SOCS5: variants seen among roughly 807,000 people sequenced by gnomAD.
SOCS5 encodes the protein CIS-6.
SOCS5 carries 32 observed loss-of-function variants against 42.8 expected under a neutral mutation model. That is an observed-to-expected ratio of 0.75 (90% CI 0.56 to 1.01). The LOEUF (loss-of-function observed/expected upper bound fraction) is 1.01. Ranked by LOEUF, SOCS5 falls within the 50% of genes least tolerant of loss-of-function variation. The probability of loss-of-function intolerance (pLI) is 0.00; values close to 1 mark genes in which losing one functional copy is unlikely to be tolerated. For synonymous variants in SOCS5, 283 were observed against 229.6 expected, an observed-to-expected ratio of 1.23 and a Z score of -2.10; for missense variants, 627 against 653.0, an observed-to-expected ratio of 0.96 and a Z score of 0.43.
chr2:46,727,284 G>T (rs1248951321), intron 1 of SOCS5, among the ~76,000 whole-genome samples: 5 of 151,888 alleles, frequency 3.3e-5, no homozygotes, highest in Admixed American at 3.3e-4. Flanking sequence ...GAGTAGCGGA[G>T]CATTTTTATA....
At chr2:46,757,179 C>G (rs1673749689) in intron 1 of SOCS5, among the ~76,000 whole-genome samples, 3 of 152,182 alleles carry the variant, frequency 2.0e-5, no homozygotes, top group African/African-American at 7.2e-5. Context: ...AGTTTATTCT[C>G]TGTTATTCTC....
At chr2:46,700,628 T>A (rs1672319207) in intron 1 of SOCS5, among the ~76,000 whole-genome samples, 1 of 152,240 alleles carries the variant, frequency 6.6e-6, no homozygotes, top group African/African-American at 2.4e-5. Context: ...AGCTAGCAGC[T>A]CTATTAAGCA....
At chr2:46,723,000 G>A (rs1257468030) in intron 1 of SOCS5, among the ~76,000 whole-genome samples, 1 of 151,940 alleles carries the variant, frequency 6.6e-6, no homozygotes, top group Non-Finnish European at 1.5e-5. Context: ...TTTAATGGCT[G>A]TTATATGCTT....
intron 1 of SOCS5, among the ~76,000 whole-genome samples, chr2:46,715,371 CAAAAAAA>C (rs70940637): frequency 9.2e-6 from 1 of 108,870 alleles, no homozygotes; most frequent in Non-Finnish European, 1.8e-5. Flanking sequence ...AACACCCTGT[CAAAAAAA>C]AAAAAAAGAA....
At chr2:46,738,015 G>T (rs1325284632) in intron 1 of SOCS5, among the ~76,000 whole-genome samples, 2 of 152,156 alleles carry the variant, frequency 1.3e-5, no homozygotes, top group Admixed American at 1.3e-4. Flanking sequence ...ACAAATTGTG[G>T]TGTTAACTAT....
chr2:46,719,994 T>A (rs1210709698), intron 1 of SOCS5, among the ~76,000 whole-genome samples: 1 of 152,182 alleles, frequency 6.6e-6, no homozygotes, highest in Non-Finnish European at 1.5e-5. Context: ...CAAGCTATGA[T>A]AGTCTGATGG....
At chr2:46,716,073 A>G (rs1558401702) in intron 1 of SOCS5, among the ~76,000 whole-genome samples, 1 of 145,396 alleles carries the variant, frequency 6.9e-6, no homozygotes, top group East Asian at 2.0e-4. Context: ...ATTTGCTGTT[A>G]TGCCTGTCCA....
At chr2:46,757,513 C>G (rs554612114) in intron 1 of SOCS5, among the ~76,000 whole-genome samples, 2 of 152,082 alleles carry the variant, frequency 1.3e-5, no homozygotes, top group Non-Finnish European at 2.9e-5. Context: ...CATAGCCTTT[C>G]TCTATTACTT....
intron 1 of SOCS5, among the ~76,000 whole-genome samples, chr2:46,723,497 T>C (rs925407231): frequency 2.6e-5 from 4 of 152,042 alleles, no homozygotes; most frequent in Admixed American, 2.0e-4. Context: ...TATTTTGGTA[T>C]ATGGGTGTCC....
At chr2:46,704,507 C>G (rs1259058878) in intron 1 of SOCS5, among the ~76,000 whole-genome samples, 1 of 152,112 alleles carries the variant, frequency 6.6e-6, no homozygotes, top group African/African-American at 2.4e-5. Context: ...TTGAGGTAAA[C>G]TGAATTTTGT....
At chr2:46,735,107 T>A (rs1673213907) in intron 1 of SOCS5, among the ~76,000 whole-genome samples, 1 of 152,172 alleles carries the variant, frequency 6.6e-6, no homozygotes, top group Non-Finnish European at 1.5e-5. Flanking sequence ...TTGGGTACGG[T>A]AGCAAGTAAC....
intron 1 of SOCS5, among the ~76,000 whole-genome samples, chr2:46,724,708 A>C (rs1375637062): frequency 1.3e-5 from 2 of 151,910 alleles, no homozygotes; most frequent in Non-Finnish European, 2.9e-5. Flanking sequence ...ATTTAGGTTC[A>C]TTATGGTCAA....
intron 1 of SOCS5, among the ~76,000 whole-genome samples, chr2:46,711,753 G>C (rs1004210834): frequency 6.6e-6 from 1 of 152,168 alleles, no homozygotes; most frequent in Admixed American, 6.5e-5. Context: ...TAATTTTTGT[G>C]TATTGAGGTG....
chr2:46,732,994 A>T (rs1347888862), intron 1 of SOCS5, among the ~76,000 whole-genome samples: 1 of 151,964 alleles, frequency 6.6e-6, no homozygotes, highest in Non-Finnish European at 1.5e-5. Flanking sequence ...TCATAATTGG[A>T]GAGATTTTAA....
At position 46,699,969 on chromosome 2, in the gene SOCS5, A is replaced by T; in HGVS notation, c.-13+520A>T. 6.6e-6 allele frequency among the ~76,000 whole-genome samples: 1 copy of T among 152,120 alleles called. No homozygotes were observed. The highest frequency in any genetic ancestry group is 1.9e-4 in the East Asian group (1 of 5,182). On this transcript the variant is annotated intron_variant, in intron 1 of 1. Coordinates refer to ENST00000394861, the MANE Select transcript of SOCS5 (RefSeq NM_144949.3). This position sits in a 1 kb window ranked among gnomAD's most constrained non-coding sequence, Gnocchi z 4.8. The stretch of plus-strand genomic sequence containing the variant: ...GATGAGGGAGGGAACCAATGAGTAC[A>T]TATGTGGGAAATGAATTGAGTGCCC...
chr2:46,752,758 A>G, intron 1 of SOCS5, among the ~76,000 whole-genome samples: 1 of 152,316 alleles, frequency 6.6e-6, no homozygotes, highest in East Asian at 1.9e-4. Flanking sequence ...GCAACATTTT[A>G]AAAATTCAAT....
chr2:46,712,578 G>A (rs190337840), intron 1 of SOCS5, among the ~76,000 whole-genome samples: 64 of 152,142 alleles, frequency 4.2e-4, no homozygotes, highest in African/African-American at 1.5e-3. Context: ...TCCTGACCTC[G>A]TGATCCGCCT....
At chr2:46,704,151 G>C (rs1297263245) in intron 1 of SOCS5, among the ~76,000 whole-genome samples, 3 of 152,202 alleles carry the variant, frequency 2.0e-5, no homozygotes, top group African/African-American at 7.2e-5. Flanking sequence ...AAGCTAGTAA[G>C]AGGAAGCAGT....
intron 1 of SOCS5, among the ~76,000 whole-genome samples, chr2:46,705,133 T>C (rs1277218878): frequency 6.6e-6 from 1 of 152,242 alleles, no homozygotes; most frequent in African/African-American, 2.4e-5. Flanking sequence ...CAAAAGTGTT[T>C]TAAAACACTT....
Sources: gnomAD v4.1 joint callset for allele counts (sites outside exome capture counted in the v4.1 genomes callset) on GRCh38, gnomAD v4.1.1 for gene constraint, Gnocchi (gnomAD v3.1) non-coding constraint, MANE v1.5 for transcripts, NCBI Gene and HGNC (gene_info 2026-07-23, HGNC 2026-07-21) for gene names.